Variants in PNPLA7 observed in about 807,000 individuals in gnomAD.
PNPLA7 encodes the protein patatin like domain 7, lysophospholipase, also known as patatin-like phospholipase domain-containing protein 7.
PNPLA7 carries 153 observed loss-of-function variants against 161.7 expected under a neutral mutation model. The observed-to-expected ratio is 0.95, with a 90% confidence interval of 0.83 to 1.08. PNPLA7 has a LOEUF of 1.08. Among genes scored for constraint, PNPLA7 ranks in the 50% least tolerant of loss-of-function variants. The pLI is 0.00. For synonymous variants in PNPLA7, 809 were observed against 782.1 expected (o/e 1.03, Z -0.57); for missense variants, 1,739 against 1,856.6 (o/e 0.94, Z 1.16).
At chr9:137,485,546 A>G (rs1217675781) in intron 20 of PNPLA7, among the ~76,000 whole-genome samples, 1 of 152,232 alleles carries the variant, frequency 6.6e-6, no homozygotes, top group Non-Finnish European at 1.5e-5. Context: ...CTCTGAACCA[A>G]TCGTCGCAGG....
Position 137,459,986 on chromosome 9 carries a change from C to G in PNPLA7, c.*407G>C, listed in dbSNP as rs1156872754. The G allele has an allele frequency of 5.0e-6, 1 of 199,190 alleles. No individual in the cohort carries two copies. Among genetic ancestry groups the G allele is most frequent in the Non-Finnish European group, 1.1e-5 (1 of 93,380 alleles). The allele number at this position is 199,190 out of a possible 1,614,324, so 12.3% of individuals were successfully genotyped here. A position where few individuals can be genotyped will look rare whatever the true frequency, so the allele number is the denominator to read the frequency against. ...GATCCACCTTTATTGAAACATCACA[C>G]GGCAGCATCAGGGCTCCCACACCTC... On this transcript the variant is annotated 3_prime_UTR_variant, in exon 35 of 35. Transcript: ENST00000406427.
chr9:137,504,592 C>T (rs1053128528), intron 14 of PNPLA7, among the ~76,000 whole-genome samples: 23 of 152,186 alleles, frequency 1.5e-4, no homozygotes, highest in African/African-American at 5.3e-4. Flanking sequence ...AACAAGAAAC[C>T]ACTGAGAACC....
At position 137,491,161 on chromosome 9, in the gene PNPLA7, A is replaced by AG. The variant is rs559189332; in HGVS notation, c.2197+1851dup. On this transcript the variant is annotated intron_variant, in intron 20 of 34. Transcript: ENST00000406427. ...GTAGTCCCAGCTACTCAGGAGGCTG[A>AG]GGGGGGGGGAATCACTTGACCCCAG... is the stretch of plus-strand genomic sequence containing the variant. 2.6e-3 allele frequency among the ~76,000 whole-genome samples: 395 copies of AG among 150,578 alleles called. 2 individuals are homozygous for AG. The South Asian group carries it at 0.029, about 11-fold the overall frequency.
At chr9:137,494,968 T>A in intron 19 of PNPLA7, 65 bp downstream of exon 19, 2 of 1,429,874 alleles carry the variant, frequency 1.4e-6, no homozygotes, top group Non-Finnish European at 1.9e-6. Context: ...CGCCCTCACC[T>A]GTTCCATGCC....
Position 137,512,409 on chromosome 9 carries a change from G to A in PNPLA7, c.1225+2970C>T, listed in dbSNP as rs535100131. On this transcript the variant is annotated intron_variant, in intron 12 of 34. Coordinates refer to ENST00000406427, the MANE Select transcript of PNPLA7 (RefSeq NM_001098537.3). Reference sequence around the variant, plus strand: ...GGCTCCACTTCTGAAAAGGAAAACAGGCCAACCTCACCTCGGCTGGCAGCC... The same window carrying A: ...GGCTCCACTTCTGAAAAGGAAAACAAGCCAACCTCACCTCGGCTGGCAGCC... 1.5e-3 allele frequency among the ~76,000 whole-genome samples: 231 copies of A among 152,370 alleles called. 1 individual carries two copies. The highest frequency in any genetic ancestry group is 4.6e-3 in the Admixed American group (71 of 15,312).
intron 8 of PNPLA7, among the ~76,000 whole-genome samples, chr9:137,533,868 G>A (rs1303604314): frequency 6.7e-6 from 1 of 148,290 alleles, no homozygotes; most frequent in East Asian, 2.1e-4. Flanking sequence ...ACTCCAGACA[G>A]GAGCACTCCC....
rs1195151535 is a variant in PNPLA7, at chr9:137,514,229, C to T, written c.1225+1150G>A. Among the ~76,000 whole-genome samples the T allele has an allele frequency of 4.1e-5, 6 of 145,206 alleles. No individual in the cohort carries two copies. The East Asian group carries it at 1.3e-3, about 30-fold the overall frequency. ...GGCGGGTCACTCGGATGTTGATGTG[C>T]CCGGGCCCTGTGGCTGGGCTGTGGG... On this transcript the variant is annotated intron_variant, in intron 12 of 34. Transcript: ENST00000406427.
Position 137,547,262 on chromosome 9 carries a change from C to G in PNPLA7, c.193+47G>C. 11 of 1,576,286 alleles carry G rather than the reference C, an allele frequency of 7.0e-6. No individual in the cohort carries two copies. Among genetic ancestry groups the G allele is most frequent in the Non-Finnish European group, 7.8e-6 (9 of 1,146,778 alleles). ...CTCAAAACACATCCCAAGACACCCA[C>G]GCTTTCCCCCAACCCCCCGGGCCAG... On this transcript the variant is annotated intron_variant, in intron 3 of 34. Coordinates refer to ENST00000406427, the MANE Select transcript of PNPLA7 (RefSeq NM_001098537.3). The surrounding 1 kb of genome is among the most constrained non-coding windows in gnomAD (Gnocchi z 4.6).
chr9:137,503,879 A>AAGCAGAAAGAAG (rs753595313), intron 14 of PNPLA7, among the ~76,000 whole-genome samples: 3 of 62,894 alleles, frequency 4.8e-5, no homozygotes, highest in Non-Finnish European at 1.1e-4. Flanking sequence ...AAGGAAGAAG[A>AAGCAGAAAGAAG]AAGAAGAAGG....
chr9:137,526,998 G>T (rs1835333926), intron 8 of PNPLA7, among the ~76,000 whole-genome samples: 1 of 152,102 alleles, frequency 6.6e-6, no homozygotes, highest in African/African-American at 2.4e-5. Flanking sequence ...GCCAGGCATG[G>T]TGGCTCATGC....
rs1201903156 is a variant in PNPLA7, at chr9:137,486,328, C to T, written c.2198-1592G>A. Among the ~76,000 whole-genome samples the T allele has an allele frequency of 1.3e-5, 2 of 152,176 alleles. 1 individual carries two copies. The highest frequency in any genetic ancestry group is 4.1e-4 in the South Asian group (2 of 4,830). Reference sequence around the variant, plus strand: ...GGATGCACACGGCGCCGTGGCAGCACTGCGGGTAAGAGCCTGTGAACGGGG... The same window carrying T: ...GGATGCACACGGCGCCGTGGCAGCATTGCGGGTAAGAGCCTGTGAACGGGG... On this transcript the variant is annotated intron_variant, in intron 20 of 34. Transcript: ENST00000406427. The surrounding 1 kb of genome is among the most constrained non-coding windows in gnomAD (Gnocchi z 6.0).
At position 137,547,389 on chromosome 9, in the gene PNPLA7, C is replaced by T. The variant is rs767176372; in HGVS notation, c.113G>A (p.Gly38Glu). Residue 38 changes from glycine to glutamate, a missense_variant, in exon 3 of 35, where the codon GGG becomes GAG. Gly to Glu is a moderately conservative substitution (Grantham distance 98, BLOSUM62 -2). Transcript: ENST00000406427. This position sits in a 1 kb window ranked among gnomAD's most constrained non-coding sequence, Gnocchi z 4.6. ...GGCCAGGAGGGCTCCAACTGCAATC[C>T]CCGTCAGCTGGCCGAGAGTGGAAAC... ...EEGSPSTMLT[G>E]IAVGALLALA... The T allele has an allele frequency of 3.3e-5, 54 of 1,613,456 alleles. No homozygotes were observed. The highest frequency in any genetic ancestry group is 4.2e-5 in the Non-Finnish European group (50 of 1,179,972).
rs969217122 is a variant in PNPLA7, at chr9:137,476,217, C to T, written c.2882+1817G>A. 1.3e-5 allele frequency among the ~76,000 whole-genome samples: 2 copies of T among 152,142 alleles called. No homozygotes were observed. Among genetic ancestry groups the T allele is most frequent in the Admixed American group, 1.3e-4 (2 of 15,276 alleles). ...CATACCGAGAGGAGGTTAATGCCTG[C>T]CTCAGTGTCTTCGGGTAAATTAAGG... On this transcript the variant is annotated intron_variant, in intron 25 of 34. Coordinates refer to ENST00000406427, the MANE Select transcript of PNPLA7 (RefSeq NM_001098537.3). This position sits in a 1 kb window ranked among gnomAD's most constrained non-coding sequence, Gnocchi z 4.5.
intron 23 of PNPLA7, 35 bp downstream of exon 23, chr9:137,480,277 C>T (rs767007916): frequency 6.3e-6 from 10 of 1,596,840 alleles, no homozygotes; most frequent in Non-Finnish European, 6.8e-6. Flanking sequence ...GAAGAGAGGG[C>T]TCTCCCCAGC....
Position 137,497,270 on chromosome 9 carries a change from C to A in PNPLA7, c.1930G>T (p.Gly644Cys). The A allele has an allele frequency of 6.3e-7, 1 of 1,588,524 alleles. No individual in the cohort carries two copies. Among genetic ancestry groups the A allele is most frequent in the Non-Finnish European group, 8.6e-7 (1 of 1,168,248 alleles). ...TTCCGGATCACAGAGCGCAGCCGGC[C>A]GCTGAGCATGATGTACGTGCAGTCG... ...KSDCTYIMLS[G>C]RLRSVIRKDD... The change falls in exon 18 of 35, where the codon GGC (glycine) becomes TGC (cysteine). Residue 644 changes from glycine (G) to cysteine (C), a missense_variant. Around this residue, in one of 6 missense-constraint regions of PNPLA7, gnomAD observed 481 missense variants for 450.0 expected, o/e 1.07. Transcript: ENST00000406427.
chr9:137,528,777 C>T (rs1233761125), intron 8 of PNPLA7, among the ~76,000 whole-genome samples: 5 of 151,662 alleles, frequency 3.3e-5, no homozygotes, highest in South Asian at 2.1e-4. Flanking sequence ...CTTGGCTCAC[C>T]GCAAACTCTG....
chr9:137,480,628 A>T, intron 22 of PNPLA7, 148 bp from the exon 23 acceptor site: 1 of 944,576 alleles, frequency 1.1e-6, no homozygotes, highest in Non-Finnish European at 1.5e-6. Context: ...GCTAGTTCGC[A>T]GTGAGTTATT....
Position 137,541,472 on chromosome 9 carries a change from AGTGCCGGAGCTGGC to A in PNPLA7, c.667-764_667-751del, listed in dbSNP as rs1554779951. The A allele has an allele frequency of 1.0e-6, 1 of 985,374 alleles. No individual in the cohort carries two copies. The highest frequency in any genetic ancestry group is 1.2e-6 in the Non-Finnish European group (1 of 829,950). 61.0% of individuals were successfully genotyped at this position (985,374 alleles called of 1,614,324 possible). On this transcript the variant is annotated intron_variant, in intron 7 of 34. Coordinates refer to ENST00000406427, the MANE Select transcript of PNPLA7 (RefSeq NM_001098537.3). This position sits in a 1 kb window ranked among gnomAD's most constrained non-coding sequence, Gnocchi z 4.4. ...TTTTGGTCTAGAAACCCCGACAGGC[AGTGCCGGAGCTGGC>A]GTGGGATCACAGCCCACTCCCGGGA... is the stretch of plus-strand genomic sequence containing the variant.
intron 4 of PNPLA7, among the ~76,000 whole-genome samples, chr9:137,545,013 G>A (rs573198546): frequency 1.3e-5 from 2 of 152,052 alleles, no homozygotes; most frequent in Non-Finnish European, 2.9e-5. Flanking sequence ...AACAAAGATT[G>A]CTTTAAAGGG....
Sources: allele counts gnomAD v4.1 joint callset (sites outside exome capture counted in the v4.1 genomes callset), GRCh38; gene constraint gnomAD v4.1.1; regional missense constraint gnomAD v4.1.1; non-coding constraint Gnocchi (gnomAD v3.1); transcripts MANE v1.5; gene names NCBI Gene and HGNC (gene_info 2026-07-23, HGNC 2026-07-21).